Variants in HTT observed in about 807,000 individuals in gnomAD.
The protein encoded by HTT is huntingtin.
A neutral mutation model predicts 362.3 loss-of-function variants in HTT; 104 were observed. That is an observed-to-expected ratio of 0.29 (90% CI 0.24 to 0.34). HTT has a LOEUF of 0.34. Ranked by LOEUF, HTT falls within the 10% of genes least tolerant of loss-of-function variation. The pLI is 1.00. For missense variants in HTT, 3,301 were observed against 3,928.6 expected (o/e 0.84, Z 4.27); for synonymous variants, 1,577 against 1,548.7 (o/e 1.02, Z -0.43).
intron 61 of HTT, among the ~76,000 whole-genome samples, chr4:3,233,601 C>T (rs1403704243): frequency 2.0e-5 from 3 of 152,210 alleles, no homozygotes; most frequent in East Asian, 1.9e-4. Context: ...GCGCTTAGCA[C>T]ACTCTCCCAC....
chr4:3,127,160 A>C, intron 11 of HTT, 104 bp from the exon 12 acceptor site: 3 of 812,698 alleles, frequency 3.7e-6, no homozygotes, highest in Non-Finnish European at 6.1e-6. Context: ...TGTGCAGCTG[A>C]AACATTTGAT....
intron 26 of HTT, among the ~76,000 whole-genome samples, chr4:3,153,996 T>C (rs537187143): frequency 6.6e-6 from 1 of 152,338 alleles, no homozygotes; most frequent in Non-Finnish European, 1.5e-5. Context: ...GGTTGTTTGC[T>C]GTTGGAGGGC....
At chr4:3,188,013 A>G in intron 39 of HTT, 127 bp downstream of exon 39, 2 of 628,164 alleles carry the variant, frequency 3.2e-6, no homozygotes, top group South Asian at 2.0e-5. Context: ...AGAAGTCTGT[A>G]TCAGTGTAAT....
chr4:3,203,786 C>T lies in HTT; in HGVS notation c.5577-221C>T, dbSNP rs186016208. On this transcript the variant is annotated intron_variant, in intron 41 of 66. Coordinates refer to ENST00000355072, the MANE Select transcript of HTT (RefSeq NM_001388492.1). ...TTCAGGCAAGCATTTTAATTTTCTG[C>T]CTGTTAAATTCTGTTTTCTTTAGTT... is the stretch of plus-strand genomic sequence containing the variant. Among the ~76,000 whole-genome samples, 7 of 152,282 alleles carry T rather than the reference C, an allele frequency of 4.6e-5. No individual in the cohort carries two copies. In the East Asian group the frequency reaches 1.3e-3, roughly 29 times the overall value.
At chr4:3,107,215 G>T in intron 5 of HTT, 70 bp from the exon 6 acceptor site, 1 of 1,543,502 alleles carries the variant, frequency 6.5e-7, no homozygotes, top group South Asian at 1.2e-5. Flanking sequence ...TTCCCTAACA[G>T]GGAATGAATT....
Position 3,235,610 on chromosome 4 carries a change from A to T in HTT, c.8617A>T (p.Ile2873Phe). 6.2e-7 allele frequency: 1 copy of T among 1,613,884 alleles called. No homozygotes were observed. The highest frequency in any genetic ancestry group is 1.3e-5 in the African/African-American group (1 of 75,040). ...LSGSEESTPS[I>F]IYHCALRGLE... ...TGGAAGTGAGGAGTCCACCCCCTCC[A>T]TCATTTACCACTGTGCCCTCAGAGG... Residue 2873 changes from isoleucine to phenylalanine, a missense_variant, in exon 63 of 67, where the codon ATC becomes TTC. Ile to Phe is a conservative substitution (Grantham distance 21). Around this residue, in one of 4 missense-constraint regions of HTT, gnomAD observed 753 missense variants for 1,021.3 expected, o/e 0.74. Coordinates refer to ENST00000355072, the MANE Select transcript of HTT (RefSeq NM_001388492.1).
intron 1 of HTT, among the ~76,000 whole-genome samples, chr4:3,084,717 A>C (rs572968233): frequency 1.0e-3 from 152 of 150,978 alleles, no homozygotes; most frequent in Middle Eastern, 6.9e-3. Context: ...GATCAATTAA[A>C]ATACAGCATT....
chr4:3,220,139 C>G lies in HTT; in HGVS notation c.7243-43C>G. Reference sequence around the variant, plus strand: ...CCTGCTTCCTCACAGTATGTCTGTCCTGACTCAACTCGGATGATGTCACTT... The same window carrying G: ...CCTGCTTCCTCACAGTATGTCTGTCGTGACTCAACTCGGATGATGTCACTT... On this transcript the variant is annotated intron_variant, in intron 52 of 66. Coordinates refer to ENST00000355072, the MANE Select transcript of HTT (RefSeq NM_001388492.1). 3 of 1,612,368 alleles carry G rather than the reference C, an allele frequency of 1.9e-6. No individual in the cohort carries two copies. In the South Asian group the frequency reaches 3.3e-5, roughly 18 times the overall value.
chr4:3,191,219 C>A (rs1053051792), intron 40 of HTT, among the ~76,000 whole-genome samples: 3 of 151,504 alleles, frequency 2.0e-5, no homozygotes, highest in Admixed American at 6.6e-5. Context: ...TGTTGCCCAT[C>A]CTGGAGTGCA....
intron 19 of HTT, among the ~76,000 whole-genome samples, chr4:3,135,322 CAAAA>C (rs11311818): frequency 7.4e-6 from 1 of 135,278 alleles, no homozygotes; most frequent in Admixed American, 7.5e-5. Flanking sequence ...GACTTGGCCT[CAAAA>C]AAAAAAAAAT....
Position 3,086,930 on chromosome 4 carries a change from T to A in HTT, c.264-9T>A, listed in dbSNP as rs1026839525. ...CACATATTAATTTCCTTCTTTTTTT[T>A]ATTTTTAGAAAGAAAGAACTTTCAG... is the stretch of plus-strand genomic sequence containing the variant. On this transcript the variant is annotated splice_polypyrimidine_tract_variant and intron_variant, in intron 1 of 66. Coordinates refer to ENST00000355072, the MANE Select transcript of HTT (RefSeq NM_001388492.1). 46 of 1,531,876 alleles carry A rather than the reference T, an allele frequency of 3.0e-5. No individual in the cohort carries two copies. The highest frequency in any genetic ancestry group is 1.7e-4 in the Middle Eastern group (1 of 5,880). 94.9% of individuals were successfully genotyped at this position (1,531,876 alleles called of 1,614,324 possible). A position where few individuals can be genotyped will look rare whatever the true frequency, so the allele number is the denominator to read the frequency against.
intron 40 of HTT, among the ~76,000 whole-genome samples, chr4:3,198,038 G>A (rs1020766803): frequency 1.4e-4 from 21 of 152,124 alleles, no homozygotes; most frequent in Admixed American, 9.8e-4. Flanking sequence ...ACCTGGAGGA[G>A]CCAGAGACAA....
intron 8 of HTT, among the ~76,000 whole-genome samples, chr4:3,117,551 A>G (rs1473938711): frequency 6.6e-6 from 1 of 152,178 alleles, no homozygotes; most frequent in Non-Finnish European, 1.5e-5. Flanking sequence ...TATTTTTAAA[A>G]TGATGGTCAG....
chr4:3,155,624 G>A (rs13127394), intron 27 of HTT, among the ~76,000 whole-genome samples: 7 of 149,358 alleles, frequency 4.7e-5, no homozygotes, highest in African/African-American at 1.5e-4. Context: ...GCTCACACCT[G>A]TAATCCCAGC....
intron 40 of HTT, among the ~76,000 whole-genome samples, chr4:3,199,199 T>G (rs1719410274): frequency 6.6e-6 from 1 of 152,026 alleles, no homozygotes; most frequent in African/African-American, 2.4e-5. Context: ...AATGTGGAGG[T>G]CGACAGTGAG....
At position 3,116,210 on chromosome 4, in the gene HTT, G is replaced by A. The variant is rs773416184; in HGVS notation, c.1015G>A (p.Gly339Arg). The change falls in exon 8 of 67, where the codon GGA becomes AGA. Residue 339 changes from glycine to arginine, a missense_variant. By Grantham distance (125) the Gly-to-Arg change is moderately radical. Coordinates refer to ENST00000355072, the MANE Select transcript of HTT (RefSeq NM_001388492.1). ...GGACACAAGCCTGAAAGGCAGCTTC[G>A]GAGTGACAAGGAAAGAAATGGAAGT... ...VKDTSLKGSF[G>R]VTRKEMEVSP... is the part of the protein sequence containing the mutation. 61 of 1,613,796 alleles carry A rather than the reference G, an allele frequency of 3.8e-5. No homozygotes were observed. The highest frequency in any genetic ancestry group is 5.1e-5 in the Non-Finnish European group (60 of 1,179,814).
chr4:3,108,665 A>G lies in HTT; in HGVS notation c.747+1242A>G, dbSNP rs111978948. ...ATGATGCTAACACTTTGTTGAACGTAGAATCCGTTAATTACTTCCTTCCTG... is the reference window on the plus strand; with the variant it reads ...ATGATGCTAACACTTTGTTGAACGTGGAATCCGTTAATTACTTCCTTCCTG... On this transcript the variant is annotated intron_variant, in intron 6 of 66. Transcript: ENST00000355072. 8.6e-4 allele frequency among the ~76,000 whole-genome samples: 131 copies of G among 152,332 alleles called. 1 individual carries two copies. The highest frequency in any genetic ancestry group is 2.9e-3 in the African/African-American group (119 of 41,566).
intron 2 of HTT, among the ~76,000 whole-genome samples, chr4:3,089,245 A>G (rs1048473319): frequency 1.3e-5 from 2 of 151,888 alleles, no homozygotes; most frequent in African/African-American, 4.8e-5. Context: ...ATCCAAAGCT[A>G]TATGTTATCT....
chr4:3,216,379 G>A (rs1017753945), intron 51 of HTT, among the ~76,000 whole-genome samples: 4 of 152,186 alleles, frequency 2.6e-5, no homozygotes, highest in Non-Finnish European at 4.4e-5. Context: ...TCTTCCAGCC[G>A]AGTGGCACCT....
Sources: gnomAD v4.1 joint callset for allele counts (sites outside exome capture counted in the v4.1 genomes callset) on GRCh38, gnomAD v4.1.1 for gene constraint, gnomAD v4.1.1 regional missense constraint, MANE v1.5 for transcripts, NCBI Gene and HGNC (gene_info 2026-07-23, HGNC 2026-07-21) for gene names.